The following NUMA1 variants were observed in gnomAD, a reference collection of about 807,000 sequenced individuals.
The protein encoded by NUMA1 is nuclear mitotic apparatus protein 1, also known as SP-H antigen.
NUMA1 carries 62 observed loss-of-function variants against 237.1 expected under a neutral mutation model. The observed-to-expected ratio is 0.26, with a 90% CI of 0.21 to 0.32. The LOEUF (loss-of-function observed/expected upper bound fraction) is 0.32, where lower values mean the gene tolerates loss of function less well. Ranked by LOEUF, NUMA1 falls within the 10% of genes least tolerant of loss-of-function variation. NUMA1 has a pLI of 1.00. For synonymous variants in NUMA1, 1,028 were observed against 1,066.1 expected, an observed-to-expected ratio of 0.96 and a Z score of 0.70; for missense variants, 2,533 against 2,666.5, an observed-to-expected ratio of 0.95 and a Z score of 1.10.
rs771600697 is a variant in NUMA1 at position 72,007,227 on chromosome 11, G to A, written c.5425C>T (p.Arg1809Trp). ...ATGTTGATGATCTGCGTGGTGCGCC[G>A]ACGAGCGGAGCGGGTCTTACGACCC... is the stretch of plus-strand genomic sequence containing the variant. Reference protein sequence around the residue: ...DSGRKTRSARRRTTQIINITM... With the variant: ...DSGRKTRSARWRTTQIINITM... Residue 1809 changes from arginine (R) to tryptophan (W), a missense_variant, in exon 21 of 27, where the codon CGG becomes TGG. Arg to Trp is a moderately radical substitution (Grantham distance 101). Around this residue, in one of 3 missense-constraint regions of NUMA1, gnomAD observed 795 missense variants for 750.8 expected, o/e 1.06. Transcript: ENST00000393695. 28 of 1,612,354 alleles carry A rather than the reference G, an allele frequency of 1.7e-5. No individual in the cohort carries two copies. Among genetic ancestry groups the A allele is most frequent in the African/African-American group, 2.7e-5 (2 of 74,916 alleles).
intron 2 of NUMA1, among the ~76,000 whole-genome samples, chr11:72,053,815 A>G (rs1420437095): frequency 3.3e-5 from 5 of 151,974 alleles, no homozygotes; most frequent in Admixed American, 6.6e-5. Context: ...CATTTTAGGG[A>G]AAAAAAAGCA....
chr11:72,057,086 A>T (rs1214412620), intron 2 of NUMA1, among the ~76,000 whole-genome samples: 1 of 152,078 alleles, frequency 6.6e-6, no homozygotes, highest in Non-Finnish European at 1.5e-5. Flanking sequence ...AAAAAAAAAA[A>T]AAAGAAAGAA....
intron 2 of NUMA1, among the ~76,000 whole-genome samples, chr11:72,047,170 T>C (rs576118499): frequency 1.3e-5 from 2 of 151,678 alleles, no homozygotes; most frequent in South Asian, 4.2e-4. Flanking sequence ...TTTGAAAGTT[T>C]AAACAAAAAA....
Position 72,013,401 on chromosome 11 carries a change from G to A in NUMA1, c.4102C>T (p.Gln1368Ter). The A allele has an allele frequency of 6.2e-7, 1 of 1,612,648 alleles. No individual in the cohort carries two copies. Among genetic ancestry groups the A allele is most frequent in the Non-Finnish European group, 8.5e-7 (1 of 1,179,932 alleles). The change falls in exon 15 of 27, where the codon CAG (glutamine) becomes TAG (stop). Residue 1368 changes from glutamine to a stop codon, truncating the protein, a stop_gained. Transcript: ENST00000393695. LOFTEE classifies it high-confidence loss of function. This position sits in a 1 kb window ranked among gnomAD's most constrained non-coding sequence, Gnocchi z 6.8. Reference protein sequence around the residue: ...SELLPAKHLCQQLQAEQAAAE... With the variant: ...SELLPAKHLC Reference sequence around the variant, plus strand: ...GCGGCCTGCTCGGCCTGCAGCTGCTGGCAGAGGTGCTTAGCTGGCAGCAGC... The same window carrying A: ...GCGGCCTGCTCGGCCTGCAGCTGCTAGCAGAGGTGCTTAGCTGGCAGCAGC...
chr11:72,003,098 T>C lies in NUMA1; in HGVS notation c.*429A>G, dbSNP rs1955372289. On this transcript the variant is annotated 3_prime_UTR_variant, in exon 27 of 27. Coordinates refer to ENST00000393695, the MANE Select transcript of NUMA1 (RefSeq NM_006185.4). ...GCTCCCACCAGGTCAGACCCAGTCC[T>C]GGACTTCAAGAGTGAGGGCCCCTGC... 7.7e-6 allele frequency: 2 copies of C among 258,834 alleles called. No individual in the cohort carries two copies. Among genetic ancestry groups the C allele is most frequent in the African/African-American group, 2.2e-5 (1 of 45,922 alleles). The allele number at this position is 258,834 out of a possible 1,614,324, so 16.0% of individuals were successfully genotyped here.
rs767683581 is a variant in NUMA1 at position 72,013,405 on chromosome 11, G to A, written c.4098C>T (p.Leu1366=). Residue 1366 remains leucine (L), a synonymous_variant, in exon 15 of 27, where the codon CTC becomes CTT. Coordinates refer to ENST00000393695, the MANE Select transcript of NUMA1 (RefSeq NM_006185.4). This position sits in a 1 kb window ranked among gnomAD's most constrained non-coding sequence, Gnocchi z 6.8. ...CCTGCTCGGCCTGCAGCTGCTGGCA[G>A]AGGTGCTTAGCTGGCAGCAGCTCAC... ...LVSELLPAKH[L]CQQLQAEQAA... 1 of 1,612,696 alleles carries A rather than the reference G, an allele frequency of 6.2e-7. No individual in the cohort carries two copies. The highest frequency in any genetic ancestry group is 8.5e-7 in the Non-Finnish European group (1 of 1,179,938).
At chr11:72,020,045 C>G (rs1938540312) in intron 8 of NUMA1, among the ~76,000 whole-genome samples, 1 of 152,216 alleles carries the variant, frequency 6.6e-6, no homozygotes, top group African/African-American at 2.4e-5. Flanking sequence ...AGCCTTGCAC[C>G]TCCAAAATGC....
In NUMA1 at chr11:72,015,489, G is replaced by C; in HGVS notation, c.2014C>G (p.Gln672Glu). 1 of 1,612,836 alleles carries C rather than the reference G, an allele frequency of 6.2e-7. No homozygotes were observed. The highest frequency in any genetic ancestry group is 1.1e-5 in the South Asian group (1 of 91,074). ...AGCTGCAACTCTAGCTCTGCAACCT[G>C]GGCCTGGGCCTCATGCTGTTCCTGG... ...ARQEQHEAQA[Q>E]VAELELQLRS... The change falls in exon 15 of 27, where the codon CAG becomes GAG. Residue 672 changes from glutamine (Q) to glutamate (E), a missense_variant. By Grantham distance (29) the Gln-to-Glu change is conservative. Around this residue, in one of 3 missense-constraint regions of NUMA1, gnomAD observed 1,414 missense variants for 1,508.1 expected, o/e 0.94. Coordinates refer to ENST00000393695, the MANE Select transcript of NUMA1 (RefSeq NM_006185.4). The surrounding 1 kb of genome is among the most constrained non-coding windows in gnomAD (Gnocchi z 4.0).
chr11:72,013,956 T>C lies in NUMA1; in HGVS notation c.3547A>G (p.Ser1183Gly), dbSNP rs748503879. 34 of 1,613,640 alleles carry C rather than the reference T, an allele frequency of 2.1e-5. No individual in the cohort carries two copies. Among genetic ancestry groups the C allele is most frequent in the Non-Finnish European group, 2.9e-5 (34 of 1,180,006 alleles). Reference sequence around the variant, plus strand: ...TCCCGTTGGGCCGAGGCTAAGGCACTCTGACTGTGCCCTAGCTCCTGGGCC... The same window carrying C: ...TCCCGTTGGGCCGAGGCTAAGGCACCCTGACTGTGCCCTAGCTCCTGGGCC... The part of the protein sequence containing the change: ...EKAQELGHSQ[S>G]ALASAQRELA... The change falls in exon 15 of 27, where the codon AGT (serine) becomes GGT (glycine). Residue 1183 changes from serine (S) to glycine (G), a missense_variant. Physicochemically the swap from Ser to Gly is moderately conservative, Grantham distance 56 (BLOSUM62 0). Around this residue, in one of 3 missense-constraint regions of NUMA1, gnomAD observed 1,414 missense variants for 1,508.1 expected, o/e 0.94. Transcript: ENST00000393695. The surrounding 1 kb of genome is among the most constrained non-coding windows in gnomAD (Gnocchi z 6.8).
At chr11:72,004,453 T>C (rs1482952765) in intron 24 of NUMA1, 112 bp from the exon 25 acceptor site, 1 of 1,221,642 alleles carries the variant, frequency 8.2e-7, no homozygotes, top group Non-Finnish European at 1.2e-6. Flanking sequence ...TGCAACCTGC[T>C]CCCCTTCCCA....
intron 2 of NUMA1, among the ~76,000 whole-genome samples, chr11:72,054,871 C>T (rs1469729449): frequency 6.6e-6 from 1 of 152,062 alleles, no homozygotes; most frequent in Non-Finnish European, 1.5e-5. Flanking sequence ...GAAGATCATG[C>T]TTGCTTGTAA....
At chr11:72,061,485 CTT>C (rs767581846) in intron 2 of NUMA1, among the ~76,000 whole-genome samples, 7 of 117,312 alleles carry the variant, frequency 6.0e-5, no homozygotes, top group Non-Finnish European at 1.2e-4. Context: ...TGTTTCTTTT[CTT>C]TTTTTTTTTT....
intron 5 of NUMA1, 146 bp from the exon 6 acceptor site, chr11:72,023,293 C>T: frequency 3.1e-6 from 2 of 643,628 alleles, no homozygotes; most frequent in South Asian, 3.5e-5. Context: ...CCTCTTTCCC[C>T]TGCCTTACAA....
At position 72,003,472 on chromosome 11, in the gene NUMA1, C is replaced by A; in HGVS notation, c.*55G>T. The A allele has an allele frequency of 6.4e-7, 1 of 1,567,136 alleles. No individual in the cohort carries two copies. Among genetic ancestry groups the A allele is most frequent in the Non-Finnish European group, 8.8e-7 (1 of 1,136,912 alleles). On this transcript the variant is annotated 3_prime_UTR_variant, in exon 27 of 27. Coordinates refer to ENST00000393695, the MANE Select transcript of NUMA1 (RefSeq NM_006185.4). ...ACTGAGAGGGACAGTAGGCGGAGGA[C>A]CAGGTGAGGTCAGCATCGGGGACAC... is the stretch of plus-strand genomic sequence containing the variant.
chr11:72,064,589 T>C (rs1943118180), intron 2 of NUMA1, among the ~76,000 whole-genome samples: 1 of 152,108 alleles, frequency 6.6e-6, no homozygotes, highest in Admixed American at 6.6e-5. Context: ...TCCCAGCCCT[T>C]TGGGAGGCCA....
Position 72,009,372 on chromosome 11 carries a change from C to G in NUMA1, c.4735G>C (p.Gly1579Arg). 8.1e-6 allele frequency: 13 copies of G among 1,609,436 alleles called. No homozygotes were observed. Among genetic ancestry groups the G allele is most frequent in the Non-Finnish European group, 1.0e-5 (12 of 1,179,410 alleles). Residue 1579 changes from glycine (G) to arginine (R), a missense_variant, in exon 18 of 27, where the codon GGA becomes CGA. Gly to Arg is a moderately radical substitution (Grantham distance 125). Transcript: ENST00000393695. ...TGGGCCTCCTGCTGGCTCTCGCCTC[C>G]CTGAGCCTGGACAGCCTGAGAAGAA... ...QQKLKAVQAQ[G>R]GESQQEAQRL...
intron 2 of NUMA1, among the ~76,000 whole-genome samples, chr11:72,054,652 C>G (rs1942540484): frequency 6.6e-6 from 1 of 152,146 alleles, no homozygotes; most frequent in Non-Finnish European, 1.5e-5. Flanking sequence ...AATTAAGTTT[C>G]AAATCCAAGA....
rs771537988 is a variant in NUMA1, at chr11:72,015,386, G to GCCTGGAGCTGCT, written c.2105_2116dup (p.Glu702_Gln705dup). ...GGTGACCTTCAAGGACTCTTTGAGG[G>GCCTGGAGCTGCT]CCTGGAGCTGCTCCTGGAGCTGGTC... On this transcript the variant is annotated inframe_insertion, in exon 15 of 27. Coordinates refer to ENST00000393695, the MANE Select transcript of NUMA1 (RefSeq NM_006185.4). This position sits in a 1 kb window ranked among gnomAD's most constrained non-coding sequence, Gnocchi z 4.0. 47 of 1,612,004 alleles carry GCCTGGAGCTGCT rather than the reference G, an allele frequency of 2.9e-5. No homozygotes were observed. The highest frequency in any genetic ancestry group is 8.3e-5 in the Admixed American group (5 of 60,012).
At chr11:72,052,593 C>A (rs1942429494) in intron 2 of NUMA1, among the ~76,000 whole-genome samples, 1 of 152,012 alleles carries the variant, frequency 6.6e-6, no homozygotes, top group Non-Finnish European at 1.5e-5. Flanking sequence ...TGGTGAAACC[C>A]CGTCTCTACT....
Sources: allele counts gnomAD v4.1 joint callset (sites outside exome capture counted in the v4.1 genomes callset), GRCh38; gene constraint gnomAD v4.1.1; regional missense constraint gnomAD v4.1.1; non-coding constraint Gnocchi (gnomAD v3.1); transcripts MANE v1.5; gene names NCBI Gene and HGNC (gene_info 2026-07-23, HGNC 2026-07-21).